The following RESF1 variants were observed in gnomAD, a reference collection of about 807,000 sequenced individuals.
RESF1 encodes gonad expressed transcript.
RESF1 carries 65 observed loss-of-function variants against 134.7 expected under a neutral mutation model. The ratio of observed to expected loss-of-function variants is 0.48; its 90% CI spans 0.40 to 0.59. The LOEUF is 0.59. Ranked by LOEUF, RESF1 falls within the 20% of genes least tolerant of loss-of-function variation. The pLI, the probability that RESF1 is intolerant of heterozygous loss-of-function variation, is 0.00. For missense variants in RESF1, 2,274 were observed against 2,002.7 expected (o/e 1.14, Z -2.59); for synonymous variants, 762 against 702.2 (o/e 1.09, Z -1.35).
At position 31,981,661 on chromosome 12, in the gene RESF1, T is replaced by C; in HGVS notation, c.706T>C (p.Phe236Leu). ...AGATTCTACCATTCAAAAACAAAAC[T>C]TTATACCACATACATCATTGCAAGT... ...LPDSTIQKQN[F>L]IPHTSLQVKN... Residue 236 changes from phenylalanine (F) to leucine (L), a missense_variant, in exon 4 of 6, where the codon TTT becomes CTT. Phe to Leu is a conservative substitution (Grantham distance 22). Coordinates refer to ENST00000312561, the MANE Select transcript of RESF1 (RefSeq NM_018169.4). The C allele has an allele frequency of 6.2e-7, 1 of 1,613,828 alleles. No homozygotes were observed. The highest frequency in any genetic ancestry group is 2.2e-5 in the East Asian group (1 of 44,882).
intron 3 of RESF1, among the ~76,000 whole-genome samples, chr12:31,973,655 C>T (rs1939563536): frequency 6.7e-6 from 1 of 149,366 alleles, no homozygotes; most frequent in Admixed American, 6.7e-5. Context: ...TTCTTCTATG[C>T]CAGTGAAGGA....
At chr12:31,968,915 ACTTAC>A (rs1295467744) in intron 2 of RESF1, among the ~76,000 whole-genome samples, 1 of 152,106 alleles carries the variant, frequency 6.6e-6, no homozygotes, top group Non-Finnish European at 1.5e-5. Flanking sequence ...ATGATGTTCC[ACTTAC>A]CTTTAATAAA....
In RESF1 at chr12:31,980,993, C is replaced by T; in HGVS notation, c.38C>T (p.Pro13Leu). The change falls in exon 4 of 6, where the codon CCA (proline) becomes CTA (leucine). Residue 13 changes from proline (P) to leucine (L), a missense_variant. Coordinates refer to ENST00000312561, the MANE Select transcript of RESF1 (RefSeq NM_018169.4). ...WNEKPKSATLPPLYPKSQPPF... is the reference protein window; with the variant it reads ...WNEKPKSATLLPLYPKSQPPF... ...GAAAAACCAAAGAGTGCTACATTAC[C>T]ACCACTGTATCCTAAAAGCCAGCCA... 1 of 1,612,510 alleles carries T rather than the reference C, an allele frequency of 6.2e-7. No homozygotes were observed. The highest frequency in any genetic ancestry group is 8.5e-7 in the Non-Finnish European group (1 of 1,179,364).
chr12:31,973,705 G>C (rs1312005417), intron 3 of RESF1, among the ~76,000 whole-genome samples: 2 of 151,714 alleles, frequency 1.3e-5, no homozygotes, highest in Non-Finnish European at 2.9e-5. Context: ...TTAACATAAA[G>C]ATAGTTTCCC....
At chr12:31,980,517 TC>T (rs1939756381) in intron 3 of RESF1, among the ~76,000 whole-genome samples, 2 of 152,348 alleles carry the variant, frequency 1.3e-5, no homozygotes, top group Admixed American at 6.5e-5. Context: ...TGTTTGAACT[TC>T]CCTTTTTTTT....
At position 31,984,080 on chromosome 12, in the gene RESF1, A is replaced by G; in HGVS notation, c.3125A>G (p.His1042Arg). 2 of 1,614,150 alleles carry G rather than the reference A, an allele frequency of 1.2e-6. No homozygotes were observed. Among genetic ancestry groups the G allele is most frequent in the South Asian group, 2.2e-5 (2 of 91,082 alleles). ...CAAGATCCTGCAAGAAATGAAATCC[A>G]CAGTGATAAGGCACCTGTCTTATAC... ...TPQDPARNEI[H>R]SDKAPVLYLH... is the part of the protein sequence containing the mutation. Residue 1042 changes from histidine (H) to arginine (R), a missense_variant, in exon 4 of 6, where the codon CAC becomes CGC. Physicochemically the swap from His to Arg is conservative, Grantham distance 29. Transcript: ENST00000312561.
intron 3 of RESF1, among the ~76,000 whole-genome samples, chr12:31,976,084 A>G (rs1939623757): frequency 6.6e-6 from 1 of 152,170 alleles, no homozygotes; most frequent in Admixed American, 6.5e-5. Context: ...TTTCTTGCCA[A>G]CATGTGGTAT....
intron 3 of RESF1, among the ~76,000 whole-genome samples, chr12:31,977,805 T>C (rs1868207): frequency 0.041 from 4,286 of 103,672 alleles, 143 homozygotes; most frequent in African/African-American, 0.17. Flanking sequence ...TTCTTTCTTT[T>C]TTTTTTTTTT....
intron 5 of RESF1, among the ~76,000 whole-genome samples, chr12:31,989,415 A>AAG (rs1555112942): frequency 2.7e-5 from 4 of 148,864 alleles, no homozygotes; most frequent in Admixed American, 2.0e-4. Context: ...AAAAAAAAAA[A>AAG]TAGGCAAAGA....
chr12:31,973,168 T>C (rs1016919840), intron 3 of RESF1, among the ~76,000 whole-genome samples: 1 of 152,182 alleles, frequency 6.6e-6, no homozygotes, highest in African/African-American at 2.4e-5. Context: ...GAAACTTGTC[T>C]ATGGTAATCT....
At chr12:31,976,416 G>T (rs1351979572) in intron 3 of RESF1, among the ~76,000 whole-genome samples, 2 of 152,174 alleles carry the variant, frequency 1.3e-5, no homozygotes, top group African/African-American at 4.8e-5. Context: ...ATAAGCTTGA[G>T]AAAAGGAAAT....
intron 3 of RESF1, among the ~76,000 whole-genome samples, chr12:31,980,018 A>G (rs1188731235): frequency 1.3e-5 from 2 of 152,154 alleles, no homozygotes; most frequent in South Asian, 2.1e-4. Context: ...CCTTAGTAGC[A>G]TAGACTCAGG....
intron 3 of RESF1, among the ~76,000 whole-genome samples, chr12:31,977,376 T>A (rs529474179): frequency 3.3e-5 from 5 of 152,220 alleles, no homozygotes; most frequent in African/African-American, 1.2e-4. Flanking sequence ...AGACGGGGGC[T>A]TCACCATCCA....
rs375996023 is a variant in RESF1 at position 31,980,917 on chromosome 12, A to T, written c.-39A>T. On this transcript the variant is annotated 5_prime_UTR_variant, in exon 4 of 6. Coordinates refer to ENST00000312561, the MANE Select transcript of RESF1 (RefSeq NM_018169.4). ...GACAACTGACTTGTAACTGACTTAT[A>T]ACTGACTTGTAATACACTGCTACTA... The T allele has an allele frequency of 7.2e-5, 103 of 1,440,292 alleles. 1 individual carries two copies. In the East Asian group the frequency reaches 1.1e-3, roughly 16 times the overall value. The allele number at this position is 1,440,292 out of a possible 1,614,324, so 89.2% of individuals were successfully genotyped here.
Position 31,981,147 on chromosome 12 carries a change from G to A in RESF1, c.192G>A (p.Leu64=), listed in dbSNP as rs781179861. 6.2e-6 allele frequency: 10 copies of A among 1,614,102 alleles called. No individual in the cohort carries two copies. The highest frequency in any genetic ancestry group is 8.5e-6 in the Non-Finnish European group (10 of 1,180,014). ...CAAATCCAATTTCACAGCCACTGCT[G>A]AATATCCAAAATTATCCTCAACAAA... ...GNSNPISQPL[L]NIQNYPQQIS... The change falls in exon 4 of 6, where the codon CTG becomes CTA. Residue 64 remains leucine (L), a synonymous_variant. Coordinates refer to ENST00000312561, the MANE Select transcript of RESF1 (RefSeq NM_018169.4).
At chr12:31,991,996 T>A (rs1940102183) in intron 5 of RESF1, among the ~76,000 whole-genome samples, 1 of 152,244 alleles carries the variant, frequency 6.6e-6, no homozygotes, top group Non-Finnish European at 1.5e-5. Context: ...ACCTATCCTT[T>A]TCATGTATTG....
chr12:31,969,811 G>A (rs1184680388), intron 2 of RESF1, among the ~76,000 whole-genome samples: 1 of 152,014 alleles, frequency 6.6e-6, no homozygotes, highest in East Asian at 1.9e-4. Flanking sequence ...GGTTAGTCTC[G>A]AACTTCTGAG....
At chr12:31,990,529 C>T (rs1015664475) in intron 5 of RESF1, among the ~76,000 whole-genome samples, 5 of 152,120 alleles carry the variant, frequency 3.3e-5, no homozygotes, top group Non-Finnish European at 5.9e-5. Context: ...CTCACTGCAA[C>T]CTCTGGTTCC....
intron 2 of RESF1, among the ~76,000 whole-genome samples, chr12:31,968,010 A>G (rs1192811177): frequency 6.6e-6 from 1 of 152,216 alleles, no homozygotes; most frequent in Non-Finnish European, 1.5e-5. Flanking sequence ...GGTTGAATAA[A>G]TTGTGTTACA....
Sources: gnomAD v4.1 joint callset for allele counts (sites outside exome capture counted in the v4.1 genomes callset) on GRCh38, gnomAD v4.1.1 for gene constraint, MANE v1.5 for transcripts, NCBI Gene and HGNC (gene_info 2026-07-23, HGNC 2026-07-21) for gene names.